LRFN2: variants seen among roughly 807,000 people sequenced by gnomAD.
LRFN2 encodes leucine-rich repeat and fibronectin type-III domain-containing protein 2.
LRFN2 carries 18 observed loss-of-function variants against 37.3 expected under a neutral mutation model. That is an observed-to-expected ratio of 0.48 (90% CI 0.33 to 0.72). The LOEUF (loss-of-function observed/expected upper bound fraction) is 0.72. Among genes scored for constraint, LRFN2 ranks in the 30% least tolerant of loss-of-function variants. LRFN2 has a pLI of 0.02. For missense variants in LRFN2, 1,006 were observed against 1,060.7 expected, an observed-to-expected ratio of 0.95 and a Z score of 0.72; for synonymous variants, 556 against 466.6, an observed-to-expected ratio of 1.19 and a Z score of -2.47.
At chr6:40,578,353 T>C (rs1393619572) in intron 1 of LRFN2, among the ~76,000 whole-genome samples, 2 of 152,022 alleles carry the variant, frequency 1.3e-5, no homozygotes, top group Non-Finnish European at 2.9e-5. Flanking sequence ...TCCAAAACCC[T>C]CTCCTCCAAG....
At chr6:40,468,605 C>T (rs542280065) in intron 1 of LRFN2, among the ~76,000 whole-genome samples, 22 of 151,778 alleles carry the variant, frequency 1.4e-4, no homozygotes, top group African/African-American at 4.9e-4. Flanking sequence ...GAGATTAAAC[C>T]AGATCTGGGG....
At chr6:40,437,916 A>C (rs528500405) in intron 1 of LRFN2, among the ~76,000 whole-genome samples, 8 of 152,204 alleles carry the variant, frequency 5.3e-5, no homozygotes, top group Non-Finnish European at 8.8e-5. Flanking sequence ...TCATAGCCAC[A>C]TGGCAATTAG....
At chr6:40,430,660 T>G (rs1342601135) in intron 2 of LRFN2, among the ~76,000 whole-genome samples, 1 of 152,244 alleles carries the variant, frequency 6.6e-6, no homozygotes, top group East Asian at 1.9e-4. Context: ...CTTTCCACAT[T>G]TAACCTCCCT....
intron 1 of LRFN2, among the ~76,000 whole-genome samples, chr6:40,474,815 T>C (rs189290658): frequency 2.4e-3 from 361 of 152,344 alleles, no homozygotes; most frequent in Non-Finnish European, 4.2e-3. Context: ...TTGAGATCCT[T>C]ATTCCAAATA....
intron 1 of LRFN2, among the ~76,000 whole-genome samples, chr6:40,488,586 T>C (rs1435243710): frequency 6.6e-6 from 1 of 152,200 alleles, no homozygotes; most frequent in Non-Finnish European, 1.5e-5. Context: ...ATTCTGTCCC[T>C]TGACCAAGCC....
chr6:40,462,389 C>T (rs552747199), intron 1 of LRFN2, among the ~76,000 whole-genome samples: 1 of 152,226 alleles, frequency 6.6e-6, no homozygotes, highest in Non-Finnish European at 1.5e-5. Context: ...CTGAAGATGC[C>T]TCCTCCAGAA....
At chr6:40,508,979 C>T (rs1186062067) in intron 1 of LRFN2, among the ~76,000 whole-genome samples, 1 of 152,190 alleles carries the variant, frequency 6.6e-6, no homozygotes, top group Non-Finnish European at 1.5e-5. Flanking sequence ...CTTTGAAATC[C>T]CTTCCTTATA....
At chr6:40,401,245 G>T (rs965536670) in intron 2 of LRFN2, among the ~76,000 whole-genome samples, 7 of 151,982 alleles carry the variant, frequency 4.6e-5, no homozygotes, top group Non-Finnish European at 1.0e-4. Flanking sequence ...TCCAGTCTAG[G>T]CTACACTCTC....
At chr6:40,412,053 G>C (rs1040468419) in intron 2 of LRFN2, among the ~76,000 whole-genome samples, 4 of 152,090 alleles carry the variant, frequency 2.6e-5, no homozygotes, top group African/African-American at 7.2e-5. Flanking sequence ...TGCTGGACAG[G>C]CTCAATGGTC....
At chr6:40,582,415 C>T (rs918692070) in intron 1 of LRFN2, among the ~76,000 whole-genome samples, 3 of 151,784 alleles carry the variant, frequency 2.0e-5, no homozygotes, top group Non-Finnish European at 4.4e-5. Context: ...GCCAGGGAGG[C>T]CCCGGCTCTC....
intron 1 of LRFN2, among the ~76,000 whole-genome samples, chr6:40,521,344 C>T (rs1766063334): frequency 1.3e-5 from 2 of 152,124 alleles, no homozygotes; most frequent in African/African-American, 4.8e-5. Context: ...TCTCAGAGTC[C>T]CAGGCACCTG....
chr6:40,524,397 G>A lies in LRFN2; in HGVS notation c.-19+62544C>T, dbSNP rs552832100. 6.7e-3 allele frequency among the ~76,000 whole-genome samples: 608 copies of A among 90,974 alleles called. 5 individuals carry two copies. The highest frequency in any genetic ancestry group is 9.5e-3 in the Non-Finnish European group (414 of 43,678). The allele number at this position is 90,974 out of a possible 152,430, so 59.7% of individuals were successfully genotyped here. The stretch of plus-strand genomic sequence containing the variant: ...CTTACTGCTTCCCCACCCCCGACCC[G>A]CCACACCTCTAACACACACTGACAC... On this transcript the variant is annotated intron_variant, in intron 1 of 2. Transcript: ENST00000338305.
chr6:40,512,991 A>G (rs1176216885), intron 1 of LRFN2, among the ~76,000 whole-genome samples: 1 of 152,154 alleles, frequency 6.6e-6, no homozygotes. Flanking sequence ...TTCTGTTTAT[A>G]AACGTCAGGC....
At chr6:40,570,981 G>A (rs2113794434) in intron 1 of LRFN2, among the ~76,000 whole-genome samples, 1 of 152,318 alleles carries the variant, frequency 6.6e-6, no homozygotes, top group South Asian at 2.1e-4. Flanking sequence ...CATTGTCTAT[G>A]GGAGAATGGC....
At chr6:40,497,740 C>T (rs1765269677) in intron 1 of LRFN2, among the ~76,000 whole-genome samples, 2 of 152,152 alleles carry the variant, frequency 1.3e-5, no homozygotes, top group South Asian at 4.1e-4. Flanking sequence ...TCTCCAACTC[C>T]CCCACCCTCA....
chr6:40,569,673 C>G (rs1312906571), intron 1 of LRFN2, among the ~76,000 whole-genome samples: 1 of 152,188 alleles, frequency 6.6e-6, no homozygotes, highest in African/African-American at 2.4e-5. Flanking sequence ...CCTGGCTCCG[C>G]ACTGCTCTCA....
intron 2 of LRFN2, among the ~76,000 whole-genome samples, chr6:40,393,979 G>A (rs1221556866): frequency 2.0e-5 from 3 of 152,176 alleles, no homozygotes; most frequent in African/African-American, 7.2e-5. Context: ...CAGTGTTAAG[G>A]ACTGGGGGGC....
At chr6:40,443,406 G>T (rs75918792) in intron 1 of LRFN2, among the ~76,000 whole-genome samples, 1 of 152,324 alleles carries the variant, frequency 6.6e-6, no homozygotes, top group East Asian at 1.9e-4. Flanking sequence ...CAGCTCTGAA[G>T]TATTTACCAA....
intron 2 of LRFN2, among the ~76,000 whole-genome samples, chr6:40,413,794 C>T (rs943523710): frequency 6.6e-6 from 1 of 152,126 alleles, no homozygotes; most frequent in African/African-American, 2.4e-5. Flanking sequence ...TAGCTGAGAG[C>T]CCTCCCCTCC....
Sources: allele counts gnomAD v4.1 joint callset (sites outside exome capture counted in the v4.1 genomes callset), GRCh38; gene constraint gnomAD v4.1.1; transcripts MANE v1.5; gene names NCBI Gene and HGNC (gene_info 2026-07-23, HGNC 2026-07-21).